The following TRPM3 variants were observed in gnomAD, a reference collection of about 807,000 sequenced individuals.
TRPM3 encodes transient receptor potential cation channel subfamily M member 3, also known as long transient receptor potential channel 3.
TRPM3 carries 77 observed loss-of-function variants against 181.2 expected under a neutral mutation model. The ratio of observed to expected loss-of-function variants is 0.42; its 90% CI spans 0.35 to 0.51. The LOEUF is 0.51. Among genes scored for constraint, TRPM3 ranks in the 20% least tolerant of loss-of-function variants. The pLI, the probability that TRPM3 is intolerant of heterozygous loss-of-function variation, is 0.01. For synonymous variants in TRPM3, 745 were observed against 796.4 expected, an observed-to-expected ratio of 0.94 and a Z score of 1.09; for missense variants, 1,759 against 2,196.7, an observed-to-expected ratio of 0.80 and a Z score of 3.98.
At position 71,431,318 on chromosome 9, in the gene TRPM3, G is replaced by A. The variant is rs532232862; in HGVS notation, c.183+15335C>T. Among the ~76,000 whole-genome samples the A allele has an allele frequency of 9.2e-5, 14 of 152,300 alleles. No homozygotes were observed. In the South Asian group the frequency reaches 2.7e-3, roughly 29 times the overall value. ...CCAGGGCTTATCTAAAACTTGAAAG[G>A]ATAAGTAAATGTTTCAGCACATTAA... On this transcript the variant is annotated intron_variant, in intron 1 of 24. Transcript: ENST00000357533.
At chr9:70,682,966 T>G (rs991929813) in intron 8 of TRPM3, among the ~76,000 whole-genome samples, 2 of 152,178 alleles carry the variant, frequency 1.3e-5, no homozygotes, top group Admixed American at 1.3e-4. Context: ...GACTGTTAAT[T>G]AGTTGCCTTA....
intron 1 of TRPM3, among the ~76,000 whole-genome samples, chr9:71,413,400 CTTTG>C (rs1565548714): frequency 6.6e-6 from 1 of 151,938 alleles, no homozygotes; most frequent in Admixed American, 6.6e-5. Flanking sequence ...AGAAAACAGA[CTTTG>C]TTAGTTGAAA....
intron 6 of TRPM3, among the ~76,000 whole-genome samples, chr9:70,817,855 T>C (rs2092836266): frequency 6.6e-6 from 1 of 152,054 alleles, no homozygotes; most frequent in Non-Finnish European, 1.5e-5. Context: ...ATATTTATTA[T>C]ATATTGTTTA....
chr9:70,555,411 G>T (rs187412545), intron 22 of TRPM3, among the ~76,000 whole-genome samples: 2 of 152,206 alleles, frequency 1.3e-5, no homozygotes, highest in South Asian at 2.1e-4. Context: ...CTGGTGGAAG[G>T]TTGCTCCTCA....
At chr9:70,892,818 T>C (rs1374017482) in intron 1 of TRPM3, among the ~76,000 whole-genome samples, 1 of 152,170 alleles carries the variant, frequency 6.6e-6, no homozygotes, top group Non-Finnish European at 1.5e-5. Context: ...ATTACAACCA[T>C]AGTATGTGGT....
At chr9:70,615,578 T>G (rs1438843931) in intron 18 of TRPM3, among the ~76,000 whole-genome samples, 1 of 152,216 alleles carries the variant, frequency 6.6e-6, no homozygotes, top group Non-Finnish European at 1.5e-5. Flanking sequence ...TTTCCTTCTC[T>G]GTGTGCTGAG....
At chr9:70,747,017 GA>G (rs2075273205) in intron 8 of TRPM3, among the ~76,000 whole-genome samples, 1 of 152,142 alleles carries the variant, frequency 6.6e-6, no homozygotes, top group African/African-American at 2.4e-5. Flanking sequence ...AAAATTTATA[GA>G]TACTGAATAT....
At chr9:71,084,962 A>C (rs1218608603) in intron 1 of TRPM3, among the ~76,000 whole-genome samples, 1 of 152,082 alleles carries the variant, frequency 6.6e-6, no homozygotes, top group African/African-American at 2.4e-5. Flanking sequence ...TAGAGGACCC[A>C]GAAGTAAAGC....
chr9:70,638,127 A>G (rs1001737683), intron 11 of TRPM3, among the ~76,000 whole-genome samples: 3 of 152,166 alleles, frequency 2.0e-5, no homozygotes, highest in Admixed American at 1.3e-4. Context: ...CACAACATTC[A>G]GGCCTTTTGC....
At chr9:71,060,490 G>A (rs569127624) in intron 1 of TRPM3, among the ~76,000 whole-genome samples, 1 of 152,256 alleles carries the variant, frequency 6.6e-6, no homozygotes, top group East Asian at 1.9e-4. Flanking sequence ...CATTCAACAA[G>A]TAGAAGCACT....
chr9:70,747,416 A>G (rs1468057606), intron 8 of TRPM3, among the ~76,000 whole-genome samples: 1 of 152,156 alleles, frequency 6.6e-6, no homozygotes, highest in African/African-American at 2.4e-5. Flanking sequence ...AAATGACTGT[A>G]AGGAGATCTG....
intron 17 of TRPM3, among the ~76,000 whole-genome samples, chr9:70,618,003 C>CA (rs2063049537): frequency 6.6e-6 from 1 of 152,040 alleles, no homozygotes; most frequent in African/African-American, 2.4e-5. Context: ...AAAAAACTCT[C>CA]AAAAAACCCA....
At chr9:71,308,494 A>T in intron 1 of TRPM3, among the ~76,000 whole-genome samples, 1 of 152,172 alleles carries the variant, frequency 6.6e-6, no homozygotes, top group South Asian at 2.1e-4. Context: ...TAACTATTTA[A>T]TGATCAGTTA....
chr9:70,682,252 C>A (rs1011678399), intron 8 of TRPM3, among the ~76,000 whole-genome samples: 1 of 151,976 alleles, frequency 6.6e-6, no homozygotes, highest in East Asian at 1.9e-4. Context: ...TCCATTCTTT[C>A]TGGTTTTATG....
intron 7 of TRPM3, among the ~76,000 whole-genome samples, chr9:70,781,251 G>A (rs2082368352): frequency 6.7e-6 from 1 of 149,084 alleles, no homozygotes; most frequent in Admixed American, 6.7e-5. Context: ...GGTAAACCCA[G>A]GAGGTGGAGC....
At chr9:71,269,731 C>T (rs1010364061) in intron 1 of TRPM3, among the ~76,000 whole-genome samples, 2 of 152,248 alleles carry the variant, frequency 1.3e-5, no homozygotes, top group East Asian at 3.9e-4. Context: ...GCCCTTGAAA[C>T]ATTTATAAAA....
chr9:71,429,206 TG>T, intron 1 of TRPM3, among the ~76,000 whole-genome samples: 1 of 152,214 alleles, frequency 6.6e-6, no homozygotes, highest in Non-Finnish European at 1.5e-5. Context: ...GTAGCTCACC[TG>T]TCAATCTTTG....
chr9:71,316,127 T>TCA (rs2088562910), intron 1 of TRPM3, among the ~76,000 whole-genome samples: 1 of 152,174 alleles, frequency 6.6e-6, no homozygotes, highest in African/African-American at 2.4e-5. Flanking sequence ...ATAGTGTCAT[T>TCA]AGTTTATTTA....
At chr9:70,930,695 G>C (rs1311847308) in intron 1 of TRPM3, among the ~76,000 whole-genome samples, 1 of 152,048 alleles carries the variant, frequency 6.6e-6, no homozygotes, top group Non-Finnish European at 1.5e-5. Flanking sequence ...CTGCATGGCT[G>C]TTTTCTTGTA....
Sources: allele counts gnomAD v4.1 joint callset (sites outside exome capture counted in the v4.1 genomes callset), GRCh38; gene constraint gnomAD v4.1.1; transcripts MANE v1.5; gene names NCBI Gene and HGNC (gene_info 2026-07-23, HGNC 2026-07-21).